Variants in MACF1 observed in about 807,000 individuals in gnomAD.
MACF1 encodes microtubule-actin cross-linking factor 1.
Under a neutral mutation model 854.8 loss-of-function variants are expected in MACF1, and 193 were observed. That is an observed-to-expected ratio of 0.23 (90% CI 0.20 to 0.25). MACF1 has a LOEUF of 0.25. MACF1 is among the 10% of genes least tolerant of loss of function. The pLI, the probability that MACF1 is intolerant of heterozygous loss-of-function variation, is 1.00. For synonymous variants in MACF1, 3,185 were observed against 3,226.7 expected (o/e 0.99, Z 0.44); for missense variants, 7,722 against 8,929.1 (o/e 0.86, Z 5.45).
chr1:39,232,335 C>T (rs59848163), intron 2 of MACF1, among the ~76,000 whole-genome samples: 1 of 152,116 alleles, frequency 6.6e-6, no homozygotes, highest in East Asian at 1.9e-4. Flanking sequence ...TATCCAGTAG[C>T]CTAGTTTTAT....
At chr1:39,483,086 CAAAAAAAAAAAA>C (rs1198703166) in intron 99 of MACF1, among the ~76,000 whole-genome samples, 2 of 22,762 alleles carry the variant, frequency 8.8e-5, no homozygotes, top group African/African-American at 2.9e-4. Flanking sequence ...GACTCTGTCT[CAAAAAAAAAAAA>C]AAAAAAAAAA....
chr1:39,297,507 T>A, intron 20 of MACF1, 113 bp from the exon 21 acceptor site: 5 of 1,230,538 alleles, frequency 4.1e-6, no homozygotes, highest in Non-Finnish European at 5.8e-6. Context: ...ACTAATGCAG[T>A]AGGGTGTAAT....
At chr1:39,194,694 CTCCCCTCCCT>C (rs2148253045) in intron 2 of MACF1, among the ~76,000 whole-genome samples, 1 of 148,174 alleles carries the variant, frequency 6.7e-6, no homozygotes, top group Non-Finnish European at 1.5e-5. Context: ...CTCCCCTCCC[CTCCCCTCCCT>C]TCCCTTCTCT....
intron 23 of MACF1, among the ~76,000 whole-genome samples, chr1:39,307,869 GTC>G (rs1405316161): frequency 4.3e-5 from 6 of 139,800 alleles, no homozygotes; most frequent in African/African-American, 1.6e-4. Context: ...ACCTTGCCCA[GTC>G]TGGATTATTT....
intron 2 of MACF1, among the ~76,000 whole-genome samples, chr1:39,180,369 A>C (rs1644088820): frequency 6.6e-6 from 1 of 151,678 alleles, no homozygotes; most frequent in Non-Finnish European, 1.5e-5. Flanking sequence ...TAATCCCAGC[A>C]CTTTGGGAGG....
chr1:39,341,035 CTT>C (rs1172169515), intron 40 of MACF1, 82 bp downstream of exon 40: 14,885 of 893,528 alleles, frequency 0.017, no homozygotes, highest in East Asian at 0.022. Context: ...CCATATTTAT[CTT>C]TTTTTTTTTT....
chr1:39,285,160 C>T lies in MACF1; in HGVS notation c.1209C>T (p.Leu403=). The T allele has an allele frequency of 1.2e-6, 2 of 1,614,160 alleles. No individual in the cohort carries two copies. The highest frequency in any genetic ancestry group is 8.5e-7 in the Non-Finnish European group (1 of 1,180,034). The change falls in exon 12 of 101, where the codon CTC becomes CTT. Residue 403 remains leucine, a synonymous_variant. Transcript: ENST00000564288. ...PNDVEEEWGK[L]IIEMLEREKS... is the part of the protein sequence containing the mutation. ...ATGTGGAAGAAGAGTGGGGAAAGCT[C>T]ATCATAGAGATGCTGGAACGAGAGA... is the stretch of plus-strand genomic sequence containing the variant.
intron 78 of MACF1, among the ~76,000 whole-genome samples, chr1:39,443,210 A>G (rs1030302348): frequency 2.6e-5 from 4 of 152,160 alleles, no homozygotes; most frequent in African/African-American, 7.2e-5. Flanking sequence ...ACCTTAATCA[A>G]TAGTCAATTC....
intron 6 of MACF1, among the ~76,000 whole-genome samples, chr1:39,280,196 C>T (rs1571259279): frequency 1.3e-5 from 2 of 152,116 alleles, no homozygotes; most frequent in East Asian, 3.9e-4. Flanking sequence ...CTGTGCCCAG[C>T]CCCCAAAATA....
chr1:39,413,817 C>T lies in MACF1; in HGVS notation c.15817-8557C>T, dbSNP rs764575233. The T allele has an allele frequency of 1.9e-6, 3 of 1,611,932 alleles. No individual in the cohort carries two copies. The South Asian group carries it at 3.3e-5, about 18-fold the overall frequency. On this transcript the variant is annotated intron_variant, in intron 58 of 100. Coordinates refer to ENST00000564288, the MANE Select transcript of MACF1 (RefSeq NM_001394062.1). ...TGCCCACCCCAGCAGAATCTGCCTC[C>T]TTTGCAGCTGTGGTGGCCACCCTGG...
In MACF1 at chr1:39,477,118, G is replaced by A. The variant is rs1404993054; in HGVS notation, c.21959-2680G>A. On this transcript the variant is annotated intron_variant, in intron 97 of 100. Coordinates refer to ENST00000564288, the MANE Select transcript of MACF1 (RefSeq NM_001394062.1). ...ACACACACACATATATACACTTAGT[G>A]TATATATATATATATATACACACAC... Among the ~76,000 whole-genome samples the A allele has an allele frequency of 6.5e-4, 16 of 24,586 alleles. 1 individual carries two copies. Among genetic ancestry groups the A allele is most frequent in the African/African-American group, 1.9e-3 (13 of 6,870 alleles). The allele number at this position is 24,586 out of a possible 152,430, so 16.1% of individuals were successfully genotyped here. A position where few individuals can be genotyped will look rare whatever the true frequency, so the allele number is the denominator to read the frequency against.
chr1:39,178,640 G>A (rs993552816), intron 2 of MACF1, among the ~76,000 whole-genome samples: 1 of 152,104 alleles, frequency 6.6e-6, no homozygotes, highest in African/African-American at 2.4e-5. Context: ...ATTCCCGTGT[G>A]GAGGCTTTCA....
Position 39,105,329 on chromosome 1 carries a change from C to T in MACF1, c.220+20891C>T. On this transcript the variant is annotated intron_variant, in intron 2 of 93. Transcript: ENST00000361689. The surrounding 1 kb of genome is among the most constrained non-coding windows in gnomAD (Gnocchi z 5.9). ...GCGCTCCTGACAGGAGGAGCCGCCG[C>T]CGCCGCCCGCCGCTGCAGCCGCGCC... 2.2e-6 allele frequency: 2 copies of T among 893,316 alleles called. No individual in the cohort carries two copies. The highest frequency in any genetic ancestry group is 2.7e-6 in the Non-Finnish European group (2 of 746,478). 55.3% of individuals were successfully genotyped at this position (893,316 alleles called of 1,614,324 possible).
rs964336840 is a variant in MACF1 at position 39,355,171 on chromosome 1, C to T, written c.11424+1940C>T. Among the ~76,000 whole-genome samples the T allele has an allele frequency of 5.3e-5, 8 of 152,270 alleles. 1 individual carries two copies. The highest frequency in any genetic ancestry group is 3.4e-3 in the Middle Eastern group (1 of 294). On this transcript the variant is annotated intron_variant, in intron 44 of 100. Coordinates refer to ENST00000564288, the MANE Select transcript of MACF1 (RefSeq NM_001394062.1). ...TTTCTGCCTCTTGCATGACGCTTTT[C>T]GAAGGTCCATTATACTGTGTCCCCC...
Position 39,316,512 on chromosome 1 carries a change from C to T in MACF1, c.3571C>T (p.His1191Tyr), listed in dbSNP as rs997058995. The change falls in exon 28 of 101, where the codon CAT becomes TAT. Residue 1191 changes from histidine (H) to tyrosine (Y), a missense_variant. Around this residue, in one of 15 missense-constraint regions of MACF1, gnomAD observed 1,137 missense variants for 1,263.0 expected, o/e 0.90. Transcript: ENST00000564288. ...GGCAGATCTCTCAGCTCTGGAGGCC[C>T]ATTGGTCGACATTACGGGTGAGTTG... Reference protein sequence around the residue: ...VLADLSALEAHWSTLRHWLSD... With the variant: ...VLADLSALEAYWSTLRHWLSD... 8 of 1,613,112 alleles carry T rather than the reference C, an allele frequency of 5.0e-6. No homozygotes were observed. Among genetic ancestry groups the T allele is most frequent in the Non-Finnish European group, 5.9e-6 (7 of 1,179,488 alleles).
chr1:39,242,321 G>T (rs1222788434), intron 2 of MACF1, among the ~76,000 whole-genome samples: 2 of 150,634 alleles, frequency 1.3e-5, no homozygotes, highest in East Asian at 3.9e-4. Context: ...CTGCACGCCA[G>T]CCTGAGCAAC....
intron 31 of MACF1, among the ~76,000 whole-genome samples, chr1:39,322,279 C>T (rs1403133868): frequency 2.6e-5 from 4 of 151,968 alleles, no homozygotes. Flanking sequence ...TTTGTATGGC[C>T]CATGAGAAAA....
intron 2 of MACF1, among the ~76,000 whole-genome samples, chr1:39,233,864 A>G (rs1444296452): frequency 7.6e-6 from 1 of 131,196 alleles, no homozygotes; most frequent in Non-Finnish European, 1.6e-5. Context: ...TCATAGGACA[A>G]TAGTGGAGGG....
intron 2 of MACF1, among the ~76,000 whole-genome samples, chr1:39,116,713 A>G (rs973135687): frequency 2.6e-5 from 4 of 152,190 alleles, no homozygotes; most frequent in African/African-American, 4.8e-5. Flanking sequence ...GCTAAATACT[A>G]TGCAGAAATT....
Sources: allele counts gnomAD v4.1 joint callset (sites outside exome capture counted in the v4.1 genomes callset), GRCh38; gene constraint gnomAD v4.1.1; regional missense constraint gnomAD v4.1.1; non-coding constraint Gnocchi (gnomAD v3.1); transcripts MANE v1.5; gene names NCBI Gene and HGNC (gene_info 2026-07-23, HGNC 2026-07-21).